The following RRAGD variants were observed in gnomAD, a reference collection of about 807,000 sequenced individuals.
The protein encoded by RRAGD is Ras related GTP binding D.
Under a neutral mutation model 35.5 loss-of-function variants are expected in RRAGD, and 12 were observed. The observed-to-expected ratio is 0.34, with a 90% confidence interval of 0.22 to 0.55. The LOEUF (loss-of-function observed/expected upper bound fraction) is 0.55. Ranked by LOEUF, RRAGD falls within the 20% of genes least tolerant of loss-of-function variation. The pLI is 0.91. For synonymous variants in RRAGD, 155 were observed against 178.9 expected (o/e 0.87, Z 1.07); for missense variants, 324 against 490.1 (o/e 0.66, Z 3.20).
At chr6:89,405,569 A>T (rs569068422) in intron 1 of RRAGD, among the ~76,000 whole-genome samples, 1 of 151,838 alleles carries the variant, frequency 6.6e-6, no homozygotes. Context: ...CAGGCACACA[A>T]GGACACACGC....
At position 89,372,550 on chromosome 6, in the gene RRAGD, T is replaced by A; in HGVS notation, c.938A>T (p.Lys313Met). The change falls in exon 6 of 7, where the codon AAG becomes ATG. Residue 313 changes from lysine (K) to methionine (M), a missense_variant. Lys to Met is a moderately conservative substitution (Grantham distance 95). Transcript: ENST00000369415. ...KEDGAGTPYD[K>M]ESTAIIKLNN... is the part of the protein sequence containing the mutation. ...AAGCTTTATGATGGCTGTGGATTCC[T>A]TGTCATAGGGGGTTCCTGCTCCATC... 6.3e-7 allele frequency: 1 copy of A among 1,582,968 alleles called. No individual in the cohort carries two copies. Among genetic ancestry groups the A allele is most frequent in the Non-Finnish European group, 8.6e-7 (1 of 1,167,364 alleles).
chr6:89,409,583 A>G (rs1187345207), intron 1 of RRAGD, among the ~76,000 whole-genome samples: 1 of 152,228 alleles, frequency 6.6e-6, no homozygotes, highest in East Asian at 1.9e-4. Context: ...AGCCTTTTGA[A>G]GGGCACAGGA....
At chr6:89,382,079 G>A (rs74499628) in intron 2 of RRAGD, among the ~76,000 whole-genome samples, 2,396 of 150,852 alleles carry the variant, frequency 0.016, 73 homozygotes, top group African/African-American at 0.056. Flanking sequence ...CCTCTGCCCC[G>A]CCACTTGTGC....
At chr6:89,409,709 C>T (rs1002769562) in intron 1 of RRAGD, among the ~76,000 whole-genome samples, 1 of 152,186 alleles carries the variant, frequency 6.6e-6, no homozygotes, top group African/African-American at 2.4e-5. Context: ...AGGAGCCTAT[C>T]TGACACTAGA....
Position 89,411,700 on chromosome 6 carries a change from G to T in RRAGD, c.148+146C>A. 1.1e-6 allele frequency: 1 copy of T among 884,622 alleles called. No individual in the cohort carries two copies. Among genetic ancestry groups the T allele is most frequent in the Non-Finnish European group, 1.6e-6 (1 of 607,080 alleles). 54.8% of individuals were successfully genotyped at this position (884,622 alleles called of 1,614,324 possible). A position where few individuals can be genotyped will look rare whatever the true frequency, so the allele number is the denominator to read the frequency against. ...GGCAGCTCGAGGTCGGGCTTTTGGC[G>T]TCCCTCCCCACCCCAAACCCTCAAC... On this transcript the variant is annotated intron_variant, in intron 1 of 6. Transcript: ENST00000369415. This position sits in a 1 kb window ranked among gnomAD's most constrained non-coding sequence, Gnocchi z 5.6.
At chr6:89,370,812 C>T (rs1050009885) in intron 6 of RRAGD, among the ~76,000 whole-genome samples, 4 of 151,966 alleles carry the variant, frequency 2.6e-5, no homozygotes, top group Non-Finnish European at 5.9e-5. Flanking sequence ...CTATCATAGT[C>T]CTTTTAGAAA....
intron 1 of RRAGD, among the ~76,000 whole-genome samples, chr6:89,396,649 G>A (rs530412854): frequency 5.2e-4 from 79 of 151,236 alleles, no homozygotes; most frequent in African/African-American, 1.9e-3. Context: ...GAACTCCTGG[G>A]CTCAAGCAAT....
chr6:89,382,884 T>TA (rs60288774), intron 2 of RRAGD, among the ~76,000 whole-genome samples: 4,295 of 146,042 alleles, frequency 0.029, 201 homozygotes, highest in African/African-American at 0.1. Context: ...TCAAAAAAAA[T>TA]AAAAAAAAAA....
intron 1 of RRAGD, among the ~76,000 whole-genome samples, chr6:89,401,030 A>C (rs549199244): frequency 1.9e-4 from 29 of 152,320 alleles, no homozygotes; most frequent in African/African-American, 6.7e-4. Context: ...AGGGGAATAC[A>C]GACATGACAA....
intron 1 of RRAGD, among the ~76,000 whole-genome samples, chr6:89,396,019 A>C (rs1276649037): frequency 6.6e-6 from 1 of 152,096 alleles, no homozygotes; most frequent in Admixed American, 6.5e-5. Flanking sequence ...GTCTTGGTCT[A>C]ACTGTAAGAT....
At chr6:89,398,389 C>T (rs1447049181) in intron 1 of RRAGD, among the ~76,000 whole-genome samples, 1 of 152,054 alleles carries the variant, frequency 6.6e-6, no homozygotes, top group African/African-American at 2.4e-5. Flanking sequence ...GAACGGAAAC[C>T]CTAACAGTTA....
chr6:89,364,678 G>A lies in RRAGD; in HGVS notation c.*3378C>T, dbSNP rs1287218711. The A allele has an allele frequency of 1.3e-5, 2 of 152,170 alleles. No individual in the cohort carries two copies. Among genetic ancestry groups the A allele is most frequent in the African/African-American group, 4.8e-5 (2 of 41,446 alleles). 9.4% of individuals were successfully genotyped at this position (152,170 alleles called of 1,614,324 possible). A position where few individuals can be genotyped will look rare whatever the true frequency, so the allele number is the denominator to read the frequency against. On this transcript the variant is annotated 3_prime_UTR_variant, in exon 7 of 7. Coordinates refer to ENST00000369415, the MANE Select transcript of RRAGD (RefSeq NM_021244.5). ...ATTTATCATCATTTCCATAAAATGAGAGCTGGTTAATCAGGACAAATAAAT... is the reference window on the plus strand; with the variant it reads ...ATTTATCATCATTTCCATAAAATGAAAGCTGGTTAATCAGGACAAATAAAT...
Position 89,379,144 on chromosome 6 carries a change from C to T in RRAGD, c.759+80G>A, listed in dbSNP as rs994167283. 3.2e-5 allele frequency: 22 copies of T among 685,160 alleles called. No homozygotes were observed. The Admixed American group carries it at 4.3e-4, about 13-fold the overall frequency. 42.4% of individuals were successfully genotyped at this position (685,160 alleles called of 1,614,324 possible). A position where few individuals can be genotyped will look rare whatever the true frequency, so the allele number is the denominator to read the frequency against. Reference sequence around the variant, plus strand: ...GACCTTGAAATGCTATAGAAGCAATCGGAAATAAGATCTTTTTCACTCTTG... The same window carrying T: ...GACCTTGAAATGCTATAGAAGCAATTGGAAATAAGATCTTTTTCACTCTTG... On this transcript the variant is annotated intron_variant, in intron 4 of 6. Coordinates refer to ENST00000369415, the MANE Select transcript of RRAGD (RefSeq NM_021244.5).
intron 1 of RRAGD, among the ~76,000 whole-genome samples, chr6:89,389,386 T>C (rs1769191997): frequency 6.6e-6 from 1 of 151,808 alleles, no homozygotes; most frequent in Non-Finnish European, 1.5e-5. Flanking sequence ...AAACTCCATC[T>C]CTACTAAAAA....
chr6:89,376,509 C>T (rs1768948433), intron 5 of RRAGD, among the ~76,000 whole-genome samples: 1 of 152,078 alleles, frequency 6.6e-6, no homozygotes, highest in African/African-American at 2.4e-5. Flanking sequence ...TTTACCTCAT[C>T]GATTAGATGA....
At chr6:89,408,107 C>T (rs1378393937) in intron 1 of RRAGD, among the ~76,000 whole-genome samples, 1 of 152,122 alleles carries the variant, frequency 6.6e-6, no homozygotes, top group African/African-American at 2.4e-5. Context: ...AGAAGGAAAT[C>T]TAAGAGATAA....
At chr6:89,378,568 A>C (rs1261419297) in intron 4 of RRAGD, among the ~76,000 whole-genome samples, 1 of 152,212 alleles carries the variant, frequency 6.6e-6, no homozygotes, top group Non-Finnish European at 1.5e-5. Context: ...GGTGATGTGT[A>C]GGGTTCATTC....
Position 89,412,053 on chromosome 6 carries a change from C to G in RRAGD, c.-60G>C. On this transcript the variant is annotated 5_prime_UTR_variant, in exon 1 of 7. Transcript: ENST00000369415. This position sits in a 1 kb window ranked among gnomAD's most constrained non-coding sequence, Gnocchi z 4.2. ...GGGTCCCGGGGTGGGGGCCAAGCCT[C>G]CTAGCCGGCCGCCCGCAGCCTATTT... 4 of 1,457,312 alleles carry G rather than the reference C, an allele frequency of 2.7e-6. No individual in the cohort carries two copies. The highest frequency in any genetic ancestry group is 3.6e-6 in the Non-Finnish European group (4 of 1,103,818). 90.3% of individuals were successfully genotyped at this position (1,457,312 alleles called of 1,614,324 possible).
At chr6:89,372,389 G>A (rs1263110994) in intron 6 of RRAGD, 48 bp downstream of exon 6, 3 of 1,553,184 alleles carry the variant, frequency 1.9e-6, no homozygotes, top group East Asian at 4.8e-5. Context: ...TGCAGTAGCA[G>A]TCTGATGCTT....
Sources: gnomAD v4.1 joint callset for allele counts (sites outside exome capture counted in the v4.1 genomes callset) on GRCh38, gnomAD v4.1.1 for gene constraint, Gnocchi (gnomAD v3.1) non-coding constraint, MANE v1.5 for transcripts, NCBI Gene and HGNC (gene_info 2026-07-23, HGNC 2026-07-21) for gene names.